HMGCLL1: variants seen among roughly 807,000 people sequenced by gnomAD.
The protein encoded by HMGCLL1 is 3-hydroxy-3-methylglutaryl-CoA lyase like 1.
In HMGCLL1, 36 loss-of-function variants were observed where a neutral mutation model predicts 39.1. That is an observed-to-expected ratio of 0.92 (90% CI 0.71 to 1.22). The LOEUF (loss-of-function observed/expected upper bound fraction) is 1.22. Ranked by LOEUF, HMGCLL1 falls within the 50% of genes most tolerant of loss-of-function variation. HMGCLL1 has a pLI of 0.00. For synonymous variants in HMGCLL1, 149 were observed against 144.0 expected, an observed-to-expected ratio of 1.03 and a Z score of -0.25; for missense variants, 451 against 416.5, an observed-to-expected ratio of 1.08 and a Z score of -0.72.
the HMGCLL1 span, among the ~76,000 whole-genome samples, chr6:55,599,583 T>C: frequency 6.6e-6 from 1 of 152,298 alleles, no homozygotes; most frequent in Middle Eastern, 3.4e-3. Context: ...AGTGCCCAGA[T>C]GAAATCTACC....
chr6:55,620,517 T>C, the HMGCLL1 span, among the ~76,000 whole-genome samples: 25 of 152,118 alleles, frequency 1.6e-4, no homozygotes, highest in Non-Finnish European at 2.6e-4. Context: ...TTGAGCCTTT[T>C]GTACATTTTT....
At chr6:55,623,616 G>A in the HMGCLL1 span, among the ~76,000 whole-genome samples, 35 of 150,378 alleles carry the variant, frequency 2.3e-4, no homozygotes, top group South Asian at 4.4e-3. Context: ...TATTAGAGCC[G>A]AAGAGAGATA....
At chr6:55,498,036 T>C (rs1766671367) in intron 6 of HMGCLL1, among the ~76,000 whole-genome samples, 1 of 152,104 alleles carries the variant, frequency 6.6e-6, no homozygotes, top group Admixed American at 6.5e-5. Flanking sequence ...CCTTTAAAGT[T>C]TCTGGTCCTG....
At chr6:55,491,991 G>A (rs1271070701) in intron 7 of HMGCLL1, among the ~76,000 whole-genome samples, 1 of 151,614 alleles carries the variant, frequency 6.6e-6, no homozygotes, top group Non-Finnish European at 1.5e-5. Context: ...TACACTATTA[G>A]TGTGTGCTTT....
chr6:55,532,960 T>C (rs1561941808), intron 3 of HMGCLL1, among the ~76,000 whole-genome samples: 1 of 151,388 alleles, frequency 6.6e-6, no homozygotes, highest in African/African-American at 2.4e-5. Flanking sequence ...GGCAATTGTT[T>C]CTCCTATGTG....
rs1763502780 is a variant in HMGCLL1, at chr6:55,439,449, G to A, written c.906C>T (p.Gly302=). Residue 302 remains glycine, a synonymous_variant, in exon 8 of 9, where the codon GGC becomes GGT. Transcript: ENST00000274901. ...AGTAACTTACTGTATTGAGCCCCAG[G>A]CCATTAAGCATATATATCAAATCCT... ...ATEDLIYMLN[G]LGLNTGVNLY... 2 of 1,611,958 alleles carry A rather than the reference G, an allele frequency of 1.2e-6. No individual in the cohort carries two copies. The highest frequency in any genetic ancestry group is 1.3e-5 in the African/African-American group (1 of 74,780).
chr6:55,451,613 G>A lies in HMGCLL1; in HGVS notation c.796-12054C>T, dbSNP rs1023394254. ...AAGTCACTTAGGTGGTCAGTTATAG[G>A]CAGTTATAGTGATGTATATAGAACT... On this transcript the variant is annotated intron_variant, in intron 7 of 8. Coordinates refer to ENST00000274901, the MANE Select transcript of HMGCLL1 (RefSeq NM_001042406.2). 2.0e-5 allele frequency among the ~76,000 whole-genome samples: 3 copies of A among 152,132 alleles called. No homozygotes were observed. The East Asian group carries it at 5.8e-4, about 29-fold the overall frequency.
intron 7 of HMGCLL1, among the ~76,000 whole-genome samples, chr6:55,453,378 A>C (rs3903024): frequency 0.031 from 4,771 of 152,150 alleles, 88 homozygotes; most frequent in Non-Finnish European, 0.047. Flanking sequence ...ACGGGGTTTC[A>C]CCGCGTTAGC....
At chr6:55,671,447 A>T in the HMGCLL1 span, among the ~76,000 whole-genome samples, 2 of 151,878 alleles carry the variant, frequency 1.3e-5, no homozygotes, top group Admixed American at 1.3e-4. Context: ...AAAAACTATT[A>T]CAACCTCTAA....
chr6:55,656,520 T>A, the HMGCLL1 span, among the ~76,000 whole-genome samples: 4 of 151,892 alleles, frequency 2.6e-5, no homozygotes, highest in African/African-American at 9.7e-5. Context: ...TGTACGTCCC[T>A]CCACTCCTTG....
intron 1 of HMGCLL1, chr6:55,577,007 G>C (rs920558473): frequency 8.8e-6 from 14 of 1,586,670 alleles, no homozygotes; most frequent in Non-Finnish European, 1.2e-5. Flanking sequence ...AATCAAATCA[G>C]TGAGTGTAGA....
chr6:55,445,937 G>A (rs529658845), intron 7 of HMGCLL1, among the ~76,000 whole-genome samples: 136 of 152,022 alleles, frequency 8.9e-4, no homozygotes, highest in African/African-American at 3.0e-3. Flanking sequence ...TCAAACAAAC[G>A]GGTTTTCTGC....
intron 7 of HMGCLL1, among the ~76,000 whole-genome samples, chr6:55,445,778 T>C (rs1165713759): frequency 6.6e-6 from 1 of 152,104 alleles, no homozygotes; most frequent in Non-Finnish European, 1.5e-5. Flanking sequence ...TTTTGATTTT[T>C]GTTTTTGAAG....
At chr6:55,600,698 T>C in the HMGCLL1 span, among the ~76,000 whole-genome samples, 1 of 152,154 alleles carries the variant, frequency 6.6e-6, no homozygotes, top group African/African-American at 2.4e-5. Flanking sequence ...TTTTATGTGC[T>C]TCAACAAATC....
chr6:55,439,173 A>C (rs913960411), intron 8 of HMGCLL1, among the ~76,000 whole-genome samples: 1 of 152,142 alleles, frequency 6.6e-6, no homozygotes, highest in African/African-American at 2.4e-5. Flanking sequence ...CAAATCAGAT[A>C]ATACATGAAA....
intron 7 of HMGCLL1, among the ~76,000 whole-genome samples, chr6:55,448,577 C>G: frequency 6.6e-6 from 1 of 151,870 alleles, no homozygotes; most frequent in East Asian, 1.9e-4. Flanking sequence ...GTATCATACC[C>G]CCAGAAGTAT....
At chr6:55,456,560 C>G (rs960132405) in intron 7 of HMGCLL1, among the ~76,000 whole-genome samples, 1 of 152,164 alleles carries the variant, frequency 6.6e-6, no homozygotes, top group African/African-American at 2.4e-5. Flanking sequence ...ATGCATTTCC[C>G]CAGTTCTCAT....
chr6:55,583,278 C>T (rs1772015347), upstream of HMGCLL1, among the ~76,000 whole-genome samples: 1 of 151,766 alleles, frequency 6.6e-6, no homozygotes. Context: ...ATGTGCCATG[C>T]TGGTGTGCTG....
chr6:55,617,851 A>T, the HMGCLL1 span, among the ~76,000 whole-genome samples: 1 of 152,242 alleles, frequency 6.6e-6, no homozygotes, highest in Admixed American at 6.6e-5. Context: ...AGGATGGCTC[A>T]TAATTGTTCA....
Sources: allele counts gnomAD v4.1 joint callset (sites outside exome capture counted in the v4.1 genomes callset), GRCh38; gene constraint gnomAD v4.1.1; transcripts MANE v1.5; gene names NCBI Gene and HGNC (gene_info 2026-07-23, HGNC 2026-07-21).